Variants in CT45A1 observed in about 807,000 individuals in gnomAD.
CT45A1 encodes the protein cancer/testis antigen 45-1.
chrX:135,711,947 G>T (rs1556569679), upstream of CT45A1, among the ~76,000 whole-genome samples: 1 of 109,669 alleles, frequency 9.1e-6, no homozygotes. Flanking sequence ...CGGGCATGGT[G>T]GTGCATGCCT....
At chrX:135,712,982 C>CTTTTCTTTCTCCTTCCTTCCTTCCTTCCT (rs1556570114), upstream of CT45A1, among the ~76,000 whole-genome samples, 24 of 7,479 alleles carry the variant, frequency 3.2e-3, no homozygotes, top group Non-Finnish European at 4.1e-3. Context: ...TCTTTTCTTT[C>CTTTTCTTTCTCCTTCCTTCCTTCCTTCCT]TCCTTCCTTC....
At chrX:135,712,282 G>A (rs2087939339), upstream of CT45A1, among the ~76,000 whole-genome samples, 2 of 91,572 alleles carry the variant, frequency 2.2e-5, no homozygotes, top group Admixed American at 2.9e-4. Context: ...AAGCCTCCTG[G>A]TCTCAAGCCT....
At chrX:135,714,165 C>A (rs2087958855) in intron 1 of CT45A1, among the ~76,000 whole-genome samples, 2 of 109,385 alleles carry the variant, frequency 1.8e-5, no homozygotes, top group Admixed American at 9.7e-5. Context: ...TGTGGGATCG[C>A]TGACGGGGGC....
At chrX:135,712,937 T>TTTTTTTTCTTTCTTTC (rs1556570066), upstream of CT45A1, among the ~76,000 whole-genome samples, 1 of 69,546 alleles carries the variant, frequency 1.4e-5, no homozygotes, top group East Asian at 4.0e-4. Context: ...TCTTTTCTTT[T>TTTTTTTTCTTTCTTTC]TTTCTTTCTT....
chrX:135,711,746 C>A (rs1364321451), upstream of CT45A1, among the ~76,000 whole-genome samples: 4 of 111,971 alleles, frequency 3.6e-5, no homozygotes, highest in African/African-American at 1.3e-4. Context: ...CCACTATGAA[C>A]AATTCAAGTA....
intron 1 of CT45A1, among the ~76,000 whole-genome samples, chrX:135,715,574 TATA>T (rs1188927709): frequency 7.8e-5 from 7 of 90,090 alleles, no homozygotes; most frequent in African/African-American, 2.5e-4. Context: ...TACTTATATA[TATA>T]ATACTTATAG....
At chrX:135,713,122 C>G (rs2087948446), upstream of CT45A1, among the ~76,000 whole-genome samples, 1 of 99,448 alleles carries the variant, frequency 1.0e-5, no homozygotes. Context: ...TCTGCTACCT[C>G]TGCCTCCTGG....
intron 1 of CT45A1, among the ~76,000 whole-genome samples, chrX:135,714,942 T>C (rs1213868119): frequency 9.3e-6 from 1 of 107,576 alleles, no homozygotes; most frequent in Non-Finnish European, 1.9e-5. Flanking sequence ...CTGAGATGTT[T>C]GTATTTTAAA....
intron 1 of CT45A1, among the ~76,000 whole-genome samples, chrX:135,715,100 G>A (rs1170172996): frequency 5.8e-5 from 6 of 102,646 alleles, no homozygotes; most frequent in Non-Finnish European, 1.2e-4. Flanking sequence ...ATGTATTTTA[G>A]ATGAACAGAT....
At chrX:135,710,014 C>T (rs1368232630), upstream of CT45A1, 5 of 112,295 alleles carry the variant, frequency 4.5e-5, no homozygotes, top group Non-Finnish European at 1.9e-5. Flanking sequence ...TCCTTGACCA[C>T]TTTATTAATT....
intron 1 of CT45A1, among the ~76,000 whole-genome samples, chrX:135,714,785 C>T (rs1307281830): frequency 9.2e-6 from 1 of 108,250 alleles, no homozygotes; most frequent in African/African-American, 3.4e-5. Context: ...ATGAGGTCTC[C>T]CTCTGTCACC....
At chrX:135,710,858 T>C (rs1305940139), upstream of CT45A1, among the ~76,000 whole-genome samples, 1 of 112,643 alleles carries the variant, frequency 8.9e-6, no homozygotes, top group Non-Finnish European at 1.9e-5. Context: ...TATTTGTTTT[T>C]TTTTCTCAGA....
At chrX:135,717,697 T>C (rs2087999107) in intron 1 of CT45A1, among the ~76,000 whole-genome samples, 1 of 112,257 alleles carries the variant, frequency 8.9e-6, no homozygotes, top group Non-Finnish European at 1.9e-5. Flanking sequence ...TTGATGTTTT[T>C]GGTACTGTTT....
intron 1 of CT45A1, among the ~76,000 whole-genome samples, chrX:135,718,535 G>A (rs2501495): frequency 0.12 from 13,176 of 109,151 alleles, 734 homozygotes; most frequent in Non-Finnish European, 0.17. Context: ...ATAATATAAT[G>A]TATAATATAT....
At chrX:135,717,858 A>G (rs1383669491) in intron 1 of CT45A1, among the ~76,000 whole-genome samples, 2 of 111,765 alleles carry the variant, frequency 1.8e-5, no homozygotes, top group Non-Finnish European at 1.9e-5. Context: ...GTACAGAACA[A>G]TGTCATCTGT....
chrX:135,711,407 A>G (rs2087932595), upstream of CT45A1, among the ~76,000 whole-genome samples: 1 of 111,340 alleles, frequency 9.0e-6, no homozygotes, highest in African/African-American at 3.3e-5. Context: ...CTGACAGGGT[A>G]CTTAACAAAC....
chrX:135,715,262 ATACT>A lies in CT45A1; in HGVS notation c.-7+1575_-7+1578del, dbSNP rs1168355192. On this transcript the variant is annotated intron_variant, in intron 1 of 4. Transcript: ENST00000594565. ...TATATATAATACTTATATATATATAATACTTATATATATATAATACTTATATATA... is the reference window on the plus strand; with the variant it reads ...TATATATAATACTTATATATATATAATATATATATATAATACTTATATATA... Among the ~76,000 whole-genome samples, 6 of 86,135 alleles carry A rather than the reference ATACT, an allele frequency of 7.0e-5. No homozygotes were observed. The South Asian group carries it at 1.6e-3, about 23-fold the overall frequency. The allele number at this position is 86,135 out of a possible 115,157, so 74.8% of individuals were successfully genotyped here.
At chrX:135,712,937 T>TTTCTTTC (rs1556570064), upstream of CT45A1, among the ~76,000 whole-genome samples, 70 of 69,544 alleles carry the variant, frequency 1.0e-3, no homozygotes, top group South Asian at 2.9e-3. Flanking sequence ...TCTTTTCTTT[T>TTTCTTTC]TTTCTTTCTT....
At chrX:135,717,946 A>G (rs781839724) in intron 1 of CT45A1, among the ~76,000 whole-genome samples, 4 of 112,009 alleles carry the variant, frequency 3.6e-5, no homozygotes, top group African/African-American at 1.3e-4. Flanking sequence ...AGAACCTCCA[A>G]TAGATTGTTG....
Sources: gnomAD v4.1 joint callset for allele counts (sites outside exome capture counted in the v4.1 genomes callset) on GRCh38, gnomAD v4.1.1 for gene constraint, MANE v1.5 for transcripts, NCBI Gene and HGNC (gene_info 2026-07-23, HGNC 2026-07-21) for gene names.